The following ABCA13 variants were observed in gnomAD, a reference collection of about 807,000 sequenced individuals.
ABCA13 encodes ATP-binding cassette sub-family A member 13.
In ABCA13, 476 loss-of-function variants were observed where a neutral mutation model predicts 478.7. That is an observed-to-expected ratio of 0.99 (90% CI 0.92 to 1.07). The LOEUF (loss-of-function observed/expected upper bound fraction) is 1.07. ABCA13 is among the 50% of genes least tolerant of loss of function. ABCA13 has a pLI of 0.00. For missense variants in ABCA13, 6,060 were observed against 5,910.6 expected (o/e 1.03, Z -0.83); for synonymous variants, 2,252 against 2,158.9 (o/e 1.04, Z -1.20).
intron 52 of ABCA13, 90 bp downstream of exon 52, chr7:48,516,971 T>C (rs962754917): frequency 5.2e-6 from 7 of 1,349,816 alleles, no homozygotes; most frequent in Admixed American, 4.4e-5. Flanking sequence ...CTTTTCTGAC[T>C]GGAATTCAAT....
chr7:48,547,822 A>G (rs932459798), intron 55 of ABCA13, among the ~76,000 whole-genome samples: 1 of 147,016 alleles, frequency 6.8e-6, no homozygotes, highest in African/African-American at 2.6e-5. Context: ...AAGTGTTCTG[A>G]GCACACTTAA....
intron 3 of ABCA13, among the ~76,000 whole-genome samples, chr7:48,212,431 A>C (rs1020338903): frequency 1.7e-4 from 26 of 152,124 alleles, no homozygotes; most frequent in African/African-American, 6.3e-4. Flanking sequence ...AAATATTTTA[A>C]TTTTTCTTGG....
chr7:48,305,856 C>T (rs976846523), intron 23 of ABCA13, among the ~76,000 whole-genome samples: 1 of 152,230 alleles, frequency 6.6e-6, no homozygotes, highest in African/African-American at 2.4e-5. Flanking sequence ...AGCCCCCTTA[C>T]AGCTTTCCAA....
At chr7:48,209,590 G>A (rs1297647272) in intron 3 of ABCA13, among the ~76,000 whole-genome samples, 1 of 152,006 alleles carries the variant, frequency 6.6e-6, no homozygotes, top group Non-Finnish European at 1.5e-5. Context: ...TTCAATATTG[G>A]TATGTTGCAT....
Position 48,274,406 on chromosome 7 carries a change from A to C in ABCA13, c.4740A>C (p.Ile1580=). 6.2e-7 allele frequency: 1 copy of C among 1,612,770 alleles called. No individual in the cohort carries two copies. ...SSSKTENLLN[I]FATSPKEKDV... ...CTAAAACTGAAAACTTGTTAAACAT[A>C]TTTGCCACCAGTCCAAAAGAAAAGG... The change falls in exon 17 of 62, where the codon ATA becomes ATC. Residue 1580 remains isoleucine (I), a synonymous_variant. Transcript: ENST00000435803.
At chr7:48,233,994 G>T in intron 7 of ABCA13, 24 bp from the exon 8 acceptor site, 1 of 1,612,652 alleles carries the variant, frequency 6.2e-7, no homozygotes, top group Non-Finnish European at 8.5e-7. Context: ...AACTGCTGGT[G>T]TAAATCTTTT....
intron 41 of ABCA13, among the ~76,000 whole-genome samples, chr7:48,418,774 CA>C (rs1287415332): frequency 6.6e-6 from 1 of 152,120 alleles, no homozygotes; most frequent in African/African-American, 2.4e-5. Flanking sequence ...TCAGATTAGA[CA>C]CTGTTATATT....
intron 10 of ABCA13, chr7:48,243,023 G>A (rs918903779): frequency 6.6e-6 from 1 of 152,226 alleles, no homozygotes; most frequent in Non-Finnish European, 1.5e-5. Flanking sequence ...CCTGCAGTAC[G>A]GGTGGCTGAG....
At chr7:48,483,040 TG>T (rs1828930997) in intron 46 of ABCA13, 35 bp from the exon 47 acceptor site, 1 of 1,555,194 alleles carries the variant, frequency 6.4e-7, no homozygotes, top group African/African-American at 1.4e-5. Flanking sequence ...TGGTGCTCTG[TG>T]GTTGAAGCAC....
At chr7:48,425,627 C>G (rs1821292048) in intron 41 of ABCA13, among the ~76,000 whole-genome samples, 1 of 152,198 alleles carries the variant, frequency 6.6e-6, no homozygotes. Context: ...CCTTATCTAG[C>G]TACTGTTGAG....
intron 33 of ABCA13, among the ~76,000 whole-genome samples, chr7:48,373,885 T>A (rs751766442): frequency 3.9e-5 from 6 of 152,242 alleles, no homozygotes; most frequent in South Asian, 2.1e-4. Context: ...GGTTTCGTTC[T>A]AACATAAGAC....
intron 55 of ABCA13, among the ~76,000 whole-genome samples, chr7:48,534,045 A>G (rs1243419387): frequency 6.6e-6 from 1 of 151,834 alleles, no homozygotes; most frequent in East Asian, 1.9e-4. Context: ...TGTCTGTTTC[A>G]TTGTGTTATT....
intron 10 of ABCA13, among the ~76,000 whole-genome samples, chr7:48,242,008 C>T (rs1745975256): frequency 6.6e-6 from 1 of 152,154 alleles, no homozygotes; most frequent in Admixed American, 6.5e-5. Flanking sequence ...AGGGAGCCAG[C>T]AAGGATGCCT....
intron 15 of ABCA13, among the ~76,000 whole-genome samples, chr7:48,258,279 C>G (rs1793689925): frequency 6.6e-6 from 1 of 152,152 alleles, no homozygotes; most frequent in Admixed American, 6.5e-5. Context: ...TTGATCAGTT[C>G]AGGGATCCAG....
At chr7:48,501,209 G>A (rs972826704) in intron 48 of ABCA13, among the ~76,000 whole-genome samples, 4 of 152,128 alleles carry the variant, frequency 2.6e-5, no homozygotes, top group African/African-American at 9.7e-5. Context: ...CAGGTCCAGG[G>A]TTTTCTCTAC....
chr7:48,613,965 TTA>T, intron 58 of ABCA13, among the ~76,000 whole-genome samples: 1 of 148,202 alleles, frequency 6.7e-6, no homozygotes, highest in Non-Finnish European at 1.5e-5. Context: ...ATTTATGGTA[TTA>T]TATTTTATAT....
chr7:48,455,172 T>C lies in ABCA13; in HGVS notation c.12701T>C (p.Val4234Ala). 2.5e-6 allele frequency: 4 copies of C among 1,586,822 alleles called. No individual in the cohort carries two copies. The highest frequency in any genetic ancestry group is 3.4e-6 in the Non-Finnish European group (4 of 1,166,976). ...KSTLADLLLP[V>A]LFVALAMGLF... ...ACCCTCGCCGACCTGCTGCTGCCAG[T>C]CCTCTTCGTGGCCTTGGCCATGGGC... The change falls in exon 43 of 62, where the codon GTC becomes GCC. Residue 4234 changes from valine to alanine, a missense_variant. Physicochemically the swap from Val to Ala is moderately conservative, Grantham distance 64. This residue lies in a region of ABCA13 where 1,627 missense variants were observed against 1,571.0 expected (regional missense o/e 1.04). Transcript: ENST00000435803.
chr7:48,222,727 G>A (rs760404939), intron 5 of ABCA13, among the ~76,000 whole-genome samples: 3 of 152,120 alleles, frequency 2.0e-5, no homozygotes, highest in Non-Finnish European at 4.4e-5. Context: ...CAATGAAAGA[G>A]TTCTATGTTG....
chr7:48,444,520 A>G (rs13227183), intron 42 of ABCA13, among the ~76,000 whole-genome samples: 45,231 of 151,928 alleles, frequency 0.3, 6,804 homozygotes, highest in East Asian at 0.38. Flanking sequence ...ATGACACATC[A>G]CTTGTTTTCC....
Sources: gnomAD v4.1 joint callset for allele counts (sites outside exome capture counted in the v4.1 genomes callset) on GRCh38, gnomAD v4.1.1 for gene constraint, gnomAD v4.1.1 regional missense constraint, MANE v1.5 for transcripts, NCBI Gene and HGNC (gene_info 2026-07-23, HGNC 2026-07-21) for gene names.